FRAS1: variants seen among roughly 807,000 people sequenced by gnomAD.
FRAS1 encodes extracellular matrix organizing protein FRAS1.
FRAS1 carries 290 observed loss-of-function variants against 435.2 expected under a neutral mutation model. The ratio of observed to expected loss-of-function variants is 0.67; its 90% CI spans 0.61 to 0.73. FRAS1 has a LOEUF of 0.73. Ranked by LOEUF, FRAS1 falls within the 30% of genes least tolerant of loss-of-function variation. FRAS1 has a pLI of 0.00. For synonymous variants in FRAS1, 1,800 were observed against 1,851.0 expected, an observed-to-expected ratio of 0.97 and a Z score of 0.71; for missense variants, 4,860 against 5,001.5, an observed-to-expected ratio of 0.97 and a Z score of 0.85.
At chr4:78,374,582 A>T (rs1317918788) in intron 25 of FRAS1, among the ~76,000 whole-genome samples, 1 of 152,228 alleles carries the variant, frequency 6.6e-6, no homozygotes, top group East Asian at 1.9e-4. Flanking sequence ...TGATATAGAC[A>T]TAGAATTTTT....
At chr4:78,073,615 A>G (rs1259543866) in intron 2 of FRAS1, among the ~76,000 whole-genome samples, 2 of 152,230 alleles carry the variant, frequency 1.3e-5, no homozygotes, top group Non-Finnish European at 2.9e-5. Context: ...GCATGTGTAT[A>G]TATGTATAAA....
chr4:78,371,950 A>AC (rs1052969853), intron 23 of FRAS1, among the ~76,000 whole-genome samples: 1 of 151,820 alleles, frequency 6.6e-6, no homozygotes, highest in African/African-American at 2.4e-5. Flanking sequence ...TTTTTTAACA[A>AC]CCCCCCTGGA....
intron 49 of FRAS1, 146 bp downstream of exon 49, chr4:78,464,729 A>C: frequency 1.2e-6 from 1 of 838,064 alleles, no homozygotes; most frequent in Non-Finnish European, 1.8e-6. Context: ...TACAGAAGAT[A>C]CCAGGGCCTT....
At chr4:78,331,368 G>C (rs1729942708) in intron 18 of FRAS1, among the ~76,000 whole-genome samples, 2 of 152,116 alleles carry the variant, frequency 1.3e-5, no homozygotes, top group Admixed American at 6.6e-5. Context: ...ATGGGTATTA[G>C]CCTGTAGGTG....
intron 2 of FRAS1, among the ~76,000 whole-genome samples, chr4:78,190,098 T>A (rs1722464820): frequency 6.6e-6 from 1 of 152,200 alleles, no homozygotes; most frequent in African/African-American, 2.4e-5. Context: ...TTCTTTTGTA[T>A]AATTTCTTCT....
At position 78,464,092 on chromosome 4, in the gene FRAS1, G is replaced by A; in HGVS notation, c.6835G>A (p.Ala2279Thr). Residue 2279 changes from alanine to threonine, a missense_variant, in exon 48 of 74, where the codon GCT becomes ACT. Physicochemically the swap from Ala to Thr is moderately conservative, Grantham distance 58. Transcript: ENST00000512123. Reference protein sequence around the residue: ...RNVQYVHSSEAEKHSDAFSFT... With the variant: ...RNVQYVHSSETEKHSDAFSFT... ...TGTTCAGTATGTCCATTCTAGTGAGGCTGAGAAACATTCAGATGCCTTCAG... is the reference window on the plus strand; with the variant it reads ...TGTTCAGTATGTCCATTCTAGTGAGACTGAGAAACATTCAGATGCCTTCAG... 6.2e-7 allele frequency: 1 copy of A among 1,613,710 alleles called. No homozygotes were observed. The highest frequency in any genetic ancestry group is 8.5e-7 in the Non-Finnish European group (1 of 1,179,814).
chr4:78,492,301 A>G (rs1474653218), intron 59 of FRAS1, among the ~76,000 whole-genome samples: 3 of 152,194 alleles, frequency 2.0e-5, no homozygotes, highest in African/African-American at 4.8e-5. Context: ...ACTACTTTAA[A>G]TTTCATATGG....
At chr4:78,239,352 A>G (rs561620885) in intron 3 of FRAS1, among the ~76,000 whole-genome samples, 1 of 152,224 alleles carries the variant, frequency 6.6e-6, no homozygotes, top group East Asian at 1.9e-4. Flanking sequence ...CCTTCATGAA[A>G]CAGTAAATTC....
intron 2 of FRAS1, among the ~76,000 whole-genome samples, chr4:78,218,924 A>G (rs930764902): frequency 2.6e-4 from 40 of 152,310 alleles, no homozygotes; most frequent in East Asian, 9.6e-4. Flanking sequence ...TATCCTTTCA[A>G]TTCACAAAAG....
intron 27 of FRAS1, among the ~76,000 whole-genome samples, chr4:78,383,034 C>A (rs906268454): frequency 6.6e-6 from 1 of 152,136 alleles, no homozygotes; most frequent in Non-Finnish European, 1.5e-5. Context: ...GACTAGAATT[C>A]AAAAATCCCC....
Position 78,112,880 on chromosome 4 carries a change from G to A in FRAS1, c.108+46864G>A, listed in dbSNP as rs532794850. Among the ~76,000 whole-genome samples the A allele has an allele frequency of 4.5e-3, 688 of 151,922 alleles. 1 individual carries two copies. The highest frequency in any genetic ancestry group is 8.5e-3 in the South Asian group (41 of 4,804). On this transcript the variant is annotated intron_variant, in intron 2 of 73. Transcript: ENST00000512123. The stretch of plus-strand genomic sequence containing the variant: ...TTAGGGTACATGTGCACAACGTGCA[G>A]GTTTGTTTCATATGTATACATGTGC...
rs895309815 is a variant in FRAS1 at position 78,544,257 on chromosome 4, G to A, written c.*3133G>A. The A allele has an allele frequency of 1.3e-5, 2 of 152,302 alleles. No homozygotes were observed. The highest frequency in any genetic ancestry group is 4.9e-5 in the African/African-American group (2 of 41,158). The allele number at this position is 152,302 out of a possible 1,614,324, so 9.4% of individuals were successfully genotyped here. On this transcript the variant is annotated 3_prime_UTR_variant, in exon 74 of 74. Coordinates refer to ENST00000512123, the MANE Select transcript of FRAS1 (RefSeq NM_025074.7). ...TATAAATTTGTATTAATAAATGACA[G>A]TCTTGTTGGTTTTTTGTTTGTTTTC... is the stretch of plus-strand genomic sequence containing the variant.
In FRAS1 at chr4:78,540,971, G is replaced by A; in HGVS notation, c.11886G>A (p.Val3962=). The change falls in exon 74 of 74, where the codon GTG becomes GTA. Residue 3962 remains valine (V), a synonymous_variant. Coordinates refer to ENST00000512123, the MANE Select transcript of FRAS1 (RefSeq NM_025074.7). ...TGCCCAAGAGGCACCCGGACCGGGT[G>A]GAGAAGAACGTGAATAGACACTACT... ...VEVPKRHPDR[V]EKNVNRHYCT... The A allele has an allele frequency of 1.2e-6, 2 of 1,613,580 alleles. No homozygotes were observed. Among genetic ancestry groups the A allele is most frequent in the Non-Finnish European group, 1.7e-6 (2 of 1,179,706 alleles).
At chr4:78,285,026 T>G (rs1298328518) in intron 13 of FRAS1, among the ~76,000 whole-genome samples, 1 of 152,110 alleles carries the variant, frequency 6.6e-6, no homozygotes, top group African/African-American at 2.4e-5. Context: ...ATCAAACAGA[T>G]AGTTGGTAAT....
chr4:78,216,399 G>A (rs1316306910), intron 2 of FRAS1, among the ~76,000 whole-genome samples: 1 of 152,132 alleles, frequency 6.6e-6, no homozygotes, highest in African/African-American at 2.4e-5. Flanking sequence ...ACTTAGTAGT[G>A]GCTCAACATA....
chr4:78,534,346 C>T, intron 70 of FRAS1, 103 bp from the exon 71 acceptor site: 1 of 872,700 alleles, frequency 1.1e-6, no homozygotes, highest in Non-Finnish European at 1.8e-6. Flanking sequence ...CAACAAAGCT[C>T]TGTGTACAAT....
At position 78,432,412 on chromosome 4, in the gene FRAS1, T is replaced by A. The variant is rs1247268933; in HGVS notation, c.5025T>A (p.Asp1675Glu). 6.2e-7 allele frequency: 1 copy of A among 1,611,618 alleles called. No individual in the cohort carries two copies. Among genetic ancestry groups the A allele is most frequent in the Non-Finnish European group, 8.5e-7 (1 of 1,178,776 alleles). ...AAAATGCTCTACAGTATATACATGATGGTTCCTCTACCCGGGAAGACAGCA... is the reference window on the plus strand; with the variant it reads ...AAAATGCTCTACAGTATATACATGAAGGTTCCTCTACCCGGGAAGACAGCA... ...VEKNALQYIHDGSSTREDSME... is the reference protein window; with the variant it reads ...VEKNALQYIHEGSSTREDSME... The change falls in exon 38 of 74, where the codon GAT becomes GAA. Residue 1675 changes from aspartate (D) to glutamate (E), a missense_variant. By Grantham distance (45) the Asp-to-Glu change is conservative. Coordinates refer to ENST00000512123, the MANE Select transcript of FRAS1 (RefSeq NM_025074.7).
chr4:78,433,724 T>C (rs952539890), intron 38 of FRAS1, among the ~76,000 whole-genome samples: 1 of 152,232 alleles, frequency 6.6e-6, no homozygotes, highest in Non-Finnish European at 1.5e-5. Flanking sequence ...AAGTTATGGT[T>C]TTTTGAATCT....
At chr4:78,172,113 C>T (rs141220655) in intron 2 of FRAS1, among the ~76,000 whole-genome samples, 1 of 152,120 alleles carries the variant, frequency 6.6e-6, no homozygotes, top group Non-Finnish European at 1.5e-5. Context: ...TCCACAGCAT[C>T]CCCCTGTGTG....
Sources: gnomAD v4.1 joint callset for allele counts (sites outside exome capture counted in the v4.1 genomes callset) on GRCh38, gnomAD v4.1.1 for gene constraint, MANE v1.5 for transcripts, NCBI Gene and HGNC (gene_info 2026-07-23, HGNC 2026-07-21) for gene names.